NAALADL2: variants seen among roughly 807,000 people sequenced by gnomAD.
NAALADL2 encodes N-acetylated alpha-linked acidic dipeptidase like 2, also known as inactive N-acetylated-alpha-linked acidic dipeptidase-like protein 2.
Under a neutral mutation model 87.2 loss-of-function variants are expected in NAALADL2, and 76 were observed. The ratio of observed to expected loss-of-function variants is 0.87; its 90% CI spans 0.72 to 1.05. NAALADL2 has a LOEUF of 1.05. NAALADL2 is among the 50% of genes least tolerant of loss of function. The pLI is 0.00. For missense variants in NAALADL2, 1,089 were observed against 945.8 expected (o/e 1.15, Z -1.99); for synonymous variants, 354 against 331.0 (o/e 1.07, Z -0.75).
rs147331208 is a variant in NAALADL2, at chr3:175,522,058, G to A, written c.1653+50300G>A. Among the ~76,000 whole-genome samples the A allele has an allele frequency of 2.2e-3, 330 of 152,188 alleles. 1 individual carries two copies. Among genetic ancestry groups the A allele is most frequent in the Non-Finnish European group, 3.1e-3 (209 of 67,998 alleles). ...CCCATATTATTTTCCTTTAGTGCAT[G>A]ATATGAAGATTGTATTTAATTTTCC... On this transcript the variant is annotated intron_variant, in intron 9 of 13. Coordinates refer to ENST00000454872, the MANE Select transcript of NAALADL2 (RefSeq NM_207015.3).
chr3:175,170,429 AATTTATAT>A (rs1212335965), intron 2 of NAALADL2, among the ~76,000 whole-genome samples: 1 of 147,308 alleles, frequency 6.8e-6, no homozygotes, highest in Non-Finnish European at 1.5e-5. Flanking sequence ...ATGGAGTTAA[AATTTATAT>A]ATATAAATAT....
At chr3:175,473,413 C>T (rs1725184438) in intron 9 of NAALADL2, among the ~76,000 whole-genome samples, 2 of 151,590 alleles carry the variant, frequency 1.3e-5, no homozygotes, top group African/African-American at 2.4e-5. Context: ...CTGTTGAGAT[C>T]GTGTGTCTGT....
intron 9 of NAALADL2, among the ~76,000 whole-genome samples, chr3:175,553,250 T>C (rs1164217645): frequency 2.6e-5 from 4 of 152,174 alleles, no homozygotes; most frequent in Non-Finnish European, 4.4e-5. Context: ...CTATACATTC[T>C]GGGTATCTCC....
At chr3:174,793,004 C>T (rs1328600744) in intron 3 of NAALADL2, among the ~76,000 whole-genome samples, 18 of 152,002 alleles carry the variant, frequency 1.2e-4, no homozygotes, top group Non-Finnish European at 1.5e-5. Context: ...TATCTTCCTA[C>T]AAAATATGTC....
chr3:175,772,417 A>G (rs1487530627), intron 13 of NAALADL2, among the ~76,000 whole-genome samples: 1 of 152,144 alleles, frequency 6.6e-6, no homozygotes, highest in Non-Finnish European at 1.5e-5. Flanking sequence ...CAGGAGGAGG[A>G]AGAAAAGATG....
At chr3:174,708,121 A>T (rs1730272338) in intron 2 of NAALADL2, among the ~76,000 whole-genome samples, 1 of 152,202 alleles carries the variant, frequency 6.6e-6, no homozygotes, top group African/African-American at 2.4e-5. Flanking sequence ...TGGAAAGATA[A>T]ATCAGTGATT....
intron 2 of NAALADL2, among the ~76,000 whole-genome samples, chr3:175,206,268 T>A (rs1299214793): frequency 0.062 from 6,273 of 101,638 alleles, 611 homozygotes; most frequent in African/African-American, 0.17. Context: ...ATATATTTTT[T>A]TTTTTCACTG....
intron 13 of NAALADL2, among the ~76,000 whole-genome samples, chr3:175,766,672 A>C (rs1186496374): frequency 6.6e-6 from 1 of 152,186 alleles, no homozygotes; most frequent in South Asian, 2.1e-4. Flanking sequence ...ATGTGTATAA[A>C]TATCTTTCTG....
chr3:175,185,886 T>C (rs1392350104), intron 2 of NAALADL2, among the ~76,000 whole-genome samples: 3 of 151,894 alleles, frequency 2.0e-5, no homozygotes, highest in Non-Finnish European at 4.4e-5. Context: ...TCTATTTTAC[T>C]TTCATCATTC....
intron 1 of NAALADL2, among the ~76,000 whole-genome samples, chr3:174,903,973 A>ATCTATT (rs1364171627): frequency 0.016 from 2,403 of 151,172 alleles, 17 homozygotes; most frequent in Non-Finnish European, 0.021. Context: ...CTATATCTAT[A>ATCTATT]TCTATATCTA....
intron 5 of NAALADL2, among the ~76,000 whole-genome samples, chr3:175,409,065 G>C (rs1317183549): frequency 1.3e-5 from 2 of 151,698 alleles, no homozygotes; most frequent in Non-Finnish European, 2.9e-5. Context: ...AATGTATATA[G>C]CCACTATTGT....
intron 2 of NAALADL2, among the ~76,000 whole-genome samples, chr3:174,617,181 A>G (rs1720544674): frequency 6.6e-6 from 1 of 151,912 alleles, no homozygotes; most frequent in Non-Finnish European, 1.5e-5. Context: ...CTTGTCGAAC[A>G]GGTAAATTTG....
intron 5 of NAALADL2, among the ~76,000 whole-genome samples, chr3:175,437,587 T>C (rs943880043): frequency 6.7e-6 from 1 of 148,292 alleles, no homozygotes; most frequent in African/African-American, 2.5e-5. Context: ...CTTCACAGAA[T>C]TGGAAAAAAC....
chr3:175,375,054 A>G (rs771759059), intron 5 of NAALADL2, among the ~76,000 whole-genome samples: 1 of 151,968 alleles, frequency 6.6e-6, no homozygotes, highest in Non-Finnish European at 1.5e-5. Flanking sequence ...TTTCTTATTG[A>G]TTTACCTTGG....
chr3:174,501,272 G>T (rs990823228), intron 1 of NAALADL2, among the ~76,000 whole-genome samples: 1 of 144,962 alleles, frequency 6.9e-6, no homozygotes, highest in Non-Finnish European at 1.5e-5. Context: ...TAGAGACGGG[G>T]TTTCACCGTT....
At chr3:175,393,173 C>T (rs986344615) in intron 5 of NAALADL2, among the ~76,000 whole-genome samples, 1 of 147,276 alleles carries the variant, frequency 6.8e-6, no homozygotes, top group Non-Finnish European at 1.5e-5. Context: ...ACTCGGGAGG[C>T]TGAGGCAGGA....
intron 2 of NAALADL2, among the ~76,000 whole-genome samples, chr3:175,129,121 A>G (rs1191188707): frequency 6.7e-6 from 1 of 148,704 alleles, no homozygotes; most frequent in Non-Finnish European, 1.5e-5. Context: ...TTTTTTTTAT[A>G]ATTTTAATAG....
At chr3:175,269,493 C>T (rs984512842) in intron 4 of NAALADL2, among the ~76,000 whole-genome samples, 13 of 152,172 alleles carry the variant, frequency 8.5e-5, no homozygotes, top group African/African-American at 2.9e-4. Flanking sequence ...ATTTCAGCTC[C>T]GTTATAATCT....
rs965691571 is a variant in NAALADL2, at chr3:174,698,727, A to G, written c.-114-38914A>G. Among the ~76,000 whole-genome samples, 6 of 133,642 alleles carry G rather than the reference A, an allele frequency of 4.5e-5. 1 individual carries two copies. Among genetic ancestry groups the G allele is most frequent in the Non-Finnish European group, 7.5e-5 (5 of 66,318 alleles). The allele number at this position is 133,642 out of a possible 152,430, so 87.7% of individuals were successfully genotyped here. A position where few individuals can be genotyped will look rare whatever the true frequency, so the allele number is the denominator to read the frequency against. Reference sequence around the variant, plus strand: ...AAAATACAAAAAATTAGCCGGGCGTAGTGGCGGGCGCCTTTAGTCCCAGCT... The same window carrying G: ...AAAATACAAAAAATTAGCCGGGCGTGGTGGCGGGCGCCTTTAGTCCCAGCT... On this transcript the variant is annotated intron_variant, in intron 2 of 3. Transcript: ENST00000434257.
Sources: gnomAD v4.1 joint callset for allele counts (sites outside exome capture counted in the v4.1 genomes callset) on GRCh38, gnomAD v4.1.1 for gene constraint, MANE v1.5 for transcripts, NCBI Gene and HGNC (gene_info 2026-07-23, HGNC 2026-07-21) for gene names.